HCN1: variants seen among roughly 807,000 people sequenced by gnomAD.
The protein encoded by HCN1 is hyperpolarization activated cyclic nucleotide gated potassium channel 1.
Under a neutral mutation model 78.9 loss-of-function variants are expected in HCN1, and 13 were observed. That is an observed-to-expected ratio of 0.16 (90% CI 0.11 to 0.26). The LOEUF (loss-of-function observed/expected upper bound fraction) is 0.26. HCN1 is among the 10% of genes least tolerant of loss of function. The probability of loss-of-function intolerance (pLI) is 1.00; values close to 1 mark genes in which losing one functional copy is unlikely to be tolerated. For synonymous variants in HCN1, 552 were observed against 455.5 expected, an observed-to-expected ratio of 1.21 and a Z score of -2.70; for missense variants, 810 against 1,154.3, an observed-to-expected ratio of 0.70 and a Z score of 4.32.
chr5:45,587,840 C>T lies in HCN1; in HGVS notation c.849+57345G>A, dbSNP rs186954939. 1.6e-3 allele frequency among the ~76,000 whole-genome samples: 247 copies of T among 152,104 alleles called. 1 individual carries two copies. Among genetic ancestry groups the T allele is most frequent in the Non-Finnish European group, 2.6e-3 (179 of 68,016 alleles). ...AGTGAAACAGAATTTGGAGGTGGGA[C>T]CTTTAGGATGTAATTAGTTCATGAG... On this transcript the variant is annotated intron_variant, in intron 2 of 7. Transcript: ENST00000303230.
At chr5:45,416,895 C>T (rs1740130313) in intron 3 of HCN1, among the ~76,000 whole-genome samples, 2 of 151,936 alleles carry the variant, frequency 1.3e-5, no homozygotes, top group Admixed American at 6.6e-5. Context: ...ACAAAGGCAA[C>T]ACAAATATTT....
intron 2 of HCN1, among the ~76,000 whole-genome samples, chr5:45,608,758 A>T (rs1274759628): frequency 2.0e-5 from 3 of 152,016 alleles, no homozygotes; most frequent in African/African-American, 7.2e-5. Flanking sequence ...TTAATAATGG[A>T]AAATATTAAT....
intron 6 of HCN1, among the ~76,000 whole-genome samples, chr5:45,275,200 C>T (rs544852453): frequency 2.0e-4 from 30 of 150,218 alleles, no homozygotes; most frequent in Non-Finnish European, 3.8e-4. Context: ...GAGCTGAGAT[C>T]GTGCCACTGC....
intron 2 of HCN1, among the ~76,000 whole-genome samples, chr5:45,557,299 T>C (rs1434210995): frequency 6.6e-6 from 1 of 152,106 alleles, no homozygotes; most frequent in Non-Finnish European, 1.5e-5. Flanking sequence ...ACGGTTCTCG[T>C]CACTGAGCCA....
At chr5:45,656,532 A>C (rs1657695613) in intron 1 of HCN1, among the ~76,000 whole-genome samples, 1 of 152,224 alleles carries the variant, frequency 6.6e-6, no homozygotes, top group African/African-American at 2.4e-5. Context: ...AACTAGAAAC[A>C]AGGTGGAGAT....
chr5:45,526,420 G>A (rs946623035), intron 2 of HCN1, among the ~76,000 whole-genome samples: 1 of 151,938 alleles, frequency 6.6e-6, no homozygotes, highest in Non-Finnish European at 1.5e-5. Context: ...ACTGGCCTTC[G>A]GCCTTCATGC....
rs1244472175 is a variant in HCN1 at position 45,257,206 on chromosome 5, A to G, written c.*4715T>C. ...GCTTAAATTAAGAATATAAAGTACA[A>G]CACTGTAAAACCTTTGCCCTGATGT... On this transcript the variant is annotated 3_prime_UTR_variant, in exon 8 of 8. Transcript: ENST00000303230. The G allele has an allele frequency of 6.6e-6, 1 of 152,184 alleles. No individual in the cohort carries two copies. The highest frequency in any genetic ancestry group is 1.5e-5 in the Non-Finnish European group (1 of 68,038). The allele number at this position is 152,184 out of a possible 1,614,324, so 9.4% of individuals were successfully genotyped here. A position where few individuals can be genotyped will look rare whatever the true frequency, so the allele number is the denominator to read the frequency against.
chr5:45,281,574 C>G (rs1484779614), intron 6 of HCN1, among the ~76,000 whole-genome samples: 2 of 139,964 alleles, frequency 1.4e-5, no homozygotes, highest in African/African-American at 2.7e-5. Context: ...AAGAGCTCTT[C>G]TCTTCTTTTT....
chr5:45,644,553 G>A (rs1198518138), intron 2 of HCN1: 1 of 152,192 alleles, frequency 6.6e-6, no homozygotes, highest in Non-Finnish European at 1.5e-5. Flanking sequence ...TATACTCTTT[G>A]TGTTTTCTAT....
At chr5:45,486,935 A>C (rs914999625) in intron 2 of HCN1, among the ~76,000 whole-genome samples, 4 of 152,160 alleles carry the variant, frequency 2.6e-5, no homozygotes, top group African/African-American at 9.6e-5. Context: ...TTAGATGTTC[A>C]CAATTATCAC....
intron 4 of HCN1, among the ~76,000 whole-genome samples, chr5:45,365,147 G>A (rs754464319): frequency 2.0e-5 from 3 of 151,686 alleles, no homozygotes; most frequent in Admixed American, 1.3e-4. Flanking sequence ...TTTTTCATAC[G>A]ATCAAATATA....
At chr5:45,386,481 C>G (rs1193162635) in intron 4 of HCN1, among the ~76,000 whole-genome samples, 1 of 152,102 alleles carries the variant, frequency 6.6e-6, no homozygotes, top group Non-Finnish European at 1.5e-5. Context: ...TCCCAGCCAA[C>G]CTTTTCTCTT....
At chr5:45,418,291 C>A (rs2112064165) in intron 3 of HCN1, among the ~76,000 whole-genome samples, 1 of 151,576 alleles carries the variant, frequency 6.6e-6, no homozygotes, top group African/African-American at 2.4e-5. Context: ...ATTTATTCAA[C>A]AATATATGCA....
chr5:45,549,249 C>T lies in HCN1; in HGVS notation c.850-87242G>A, dbSNP rs374753105. 1.3e-4 allele frequency among the ~76,000 whole-genome samples: 20 copies of T among 152,234 alleles called. No individual in the cohort carries two copies. The East Asian group carries it at 2.5e-3, about 19-fold the overall frequency. ...TCACGCTACCTGACTTCAAACTATA[C>T]TACAAGGCTACAGTAACCAAAACAG... On this transcript the variant is annotated intron_variant, in intron 2 of 7. Coordinates refer to ENST00000303230, the MANE Select transcript of HCN1 (RefSeq NM_021072.4).
At chr5:45,468,956 T>G (rs576375066) in intron 2 of HCN1, among the ~76,000 whole-genome samples, 34 of 152,104 alleles carry the variant, frequency 2.2e-4, no homozygotes, top group African/African-American at 7.0e-4. Flanking sequence ...CTGAACTGTT[T>G]CTATTAATTT....
intron 2 of HCN1, among the ~76,000 whole-genome samples, chr5:45,618,688 C>T (rs1745000743): frequency 6.6e-6 from 1 of 151,942 alleles, no homozygotes; most frequent in Non-Finnish European, 1.5e-5. Context: ...CATGAGAAAA[C>T]ATTTTGAAAG....
At chr5:45,368,885 A>G (rs959912191) in intron 4 of HCN1, among the ~76,000 whole-genome samples, 3 of 152,058 alleles carry the variant, frequency 2.0e-5, no homozygotes, top group Non-Finnish European at 4.4e-5. Context: ...AATAACATCC[A>G]TAAATTAAGT....
chr5:45,568,351 C>G (rs751431826), intron 2 of HCN1, among the ~76,000 whole-genome samples: 24 of 151,712 alleles, frequency 1.6e-4, no homozygotes, highest in Non-Finnish European at 3.1e-4. Flanking sequence ...AGCTACAAGA[C>G]CTTGGTTAAA....
At chr5:45,684,239 T>G (rs1255657158) in intron 1 of HCN1, among the ~76,000 whole-genome samples, 1 of 152,168 alleles carries the variant, frequency 6.6e-6, no homozygotes, top group Admixed American at 6.5e-5. Flanking sequence ...AAGCCTAGAA[T>G]CACTAACACA....
Sources: gnomAD v4.1 joint callset for allele counts (sites outside exome capture counted in the v4.1 genomes callset) on GRCh38, gnomAD v4.1.1 for gene constraint, MANE v1.5 for transcripts, NCBI Gene and HGNC (gene_info 2026-07-23, HGNC 2026-07-21) for gene names.